CFAP52: variants seen among roughly 807,000 people sequenced by gnomAD.
CFAP52 encodes cilia and flagella associated protein 52.
A neutral mutation model predicts 70.5 loss-of-function variants in CFAP52; 57 were observed. The ratio of observed to expected loss-of-function variants is 0.81; its 90% CI spans 0.65 to 1.01. CFAP52 has a LOEUF of 1.01. Ranked by LOEUF, CFAP52 falls within the 50% of genes least tolerant of loss-of-function variation. The pLI is 0.00. For missense variants in CFAP52, 785 were observed against 788.5 expected, an observed-to-expected ratio of 1.00 and a Z score of 0.05; for synonymous variants, 267 against 292.5, an observed-to-expected ratio of 0.91 and a Z score of 0.89.
rs1418790986 is a variant in CFAP52, at chr17:9,585,771, A to G, written c.71-2A>G. 1.2e-6 allele frequency: 2 copies of G among 1,614,058 alleles called. No homozygotes were observed. The highest frequency in any genetic ancestry group is 1.7e-5 in the Admixed American group (1 of 59,994). On this transcript the variant is annotated splice_acceptor_variant, in intron 1 of 13. Transcript: ENST00000352665. LOFTEE classifies it high-confidence loss of function. Reference sequence around the variant, plus strand: ...TTATTACTGTGAATCTCTCTCTTTTAGGACATGTGCCCACTGGTCTCAAAT... The same window carrying G: ...TTATTACTGTGAATCTCTCTCTTTTGGGACATGTGCCCACTGGTCTCAAAT...
chr17:9,643,925 T>A (rs906185635), downstream of CFAP52, among the ~76,000 whole-genome samples: 2 of 152,334 alleles, frequency 1.3e-5, no homozygotes, highest in Admixed American at 1.3e-4. Context: ...TGTCCTTGTG[T>A]ATTAATCACC....
intron 12 of CFAP52, among the ~76,000 whole-genome samples, chr17:9,641,249 G>A (rs189287953): frequency 5.3e-5 from 8 of 152,272 alleles, no homozygotes; most frequent in Admixed American, 4.6e-4. Flanking sequence ...GGGAAAGTTG[G>A]GAATAAGGGT....
intron 12 of CFAP52, among the ~76,000 whole-genome samples, chr17:9,640,533 A>G (rs1367331381): frequency 6.6e-6 from 1 of 152,004 alleles, no homozygotes; most frequent in East Asian, 1.9e-4. Context: ...GCTGAGGATA[A>G]TGGCTCCCAA....
At chr17:9,626,648 T>G (rs961319332) in intron 8 of CFAP52, among the ~76,000 whole-genome samples, 8 of 152,240 alleles carry the variant, frequency 5.3e-5, no homozygotes, top group African/African-American at 1.9e-4. Flanking sequence ...AAAGGCATTA[T>G]CTAATATAAA....
At chr17:9,615,836 C>T (rs1169555468) in intron 8 of CFAP52, among the ~76,000 whole-genome samples, 1 of 130,914 alleles carries the variant, frequency 7.6e-6, no homozygotes. Context: ...AACAGGGTCT[C>T]ACTATGTTGC....
intron 9 of CFAP52, among the ~76,000 whole-genome samples, chr17:9,631,945 T>C (rs1910561312): frequency 6.6e-6 from 1 of 151,596 alleles, no homozygotes; most frequent in Non-Finnish European, 1.5e-5. Context: ...ATTTTTGTAA[T>C]TTTTTTTAGT....
rs1555541607 is a variant in CFAP52, at chr17:9,596,059, G to GTGTGTA, written c.536+1739_536+1740insGTGTAT. 1.1e-3 allele frequency among the ~76,000 whole-genome samples: 95 copies of GTGTGTA among 85,202 alleles called. 1 individual carries two copies. The highest frequency in any genetic ancestry group is 6.7e-3 in the Middle Eastern group (1 of 150). The allele number at this position is 85,202 out of a possible 152,430, so 55.9% of individuals were successfully genotyped here. ...TATGTATGTAGATATATATGTGTGT[G>GTGTGTA]TATATATATATATATATATATATAT... is the stretch of plus-strand genomic sequence containing the variant. On this transcript the variant is annotated intron_variant, in intron 4 of 13. Transcript: ENST00000352665.
Position 9,599,987 on chromosome 17 carries a change from C to T in CFAP52, c.637-80C>T, listed in dbSNP as rs545082677. The T allele has an allele frequency of 8.2e-5, 96 of 1,168,960 alleles. 1 individual carries two copies. Among genetic ancestry groups the T allele is most frequent in the South Asian group, 5.3e-4 (42 of 79,304 alleles). The allele number at this position is 1,168,960 out of a possible 1,614,324, so 72.4% of individuals were successfully genotyped here. On this transcript the variant is annotated intron_variant, in intron 5 of 13. Transcript: ENST00000352665. Reference sequence around the variant, plus strand: ...AACTCCTGACCTCAGGTGATCCACCCGCCTCGGCCTCCCAAAGTGCTGATA... The same window carrying T: ...AACTCCTGACCTCAGGTGATCCACCTGCCTCGGCCTCCCAAAGTGCTGATA...
rs1911072853 is a variant in CFAP52 at position 9,641,765 on chromosome 17, A to G, written c.1617A>G (p.Glu539=). Residue 539 remains glutamate, a synonymous_variant, in exon 13 of 14, where the codon GAA becomes GAG. Coordinates refer to ENST00000352665, the MANE Select transcript of CFAP52 (RefSeq NM_145054.5). ...WEVFDGTVIR[E]LEGSLSGSIN... is the part of the protein sequence containing the mutation. Reference sequence around the variant, plus strand: ...TATTTGATGGGACAGTAATCAGAGAATTGGAAGGTTCCCTGTCTGGGTCGA... The same window carrying G: ...TATTTGATGGGACAGTAATCAGAGAGTTGGAAGGTTCCCTGTCTGGGTCGA... The G allele has an allele frequency of 6.2e-7, 1 of 1,613,868 alleles. No homozygotes were observed. The highest frequency in any genetic ancestry group is 8.5e-7 in the Non-Finnish European group (1 of 1,179,904).
At chr17:9,604,058 C>A (rs941003216) in intron 6 of CFAP52, among the ~76,000 whole-genome samples, 12 of 151,894 alleles carry the variant, frequency 7.9e-5, no homozygotes, top group African/African-American at 2.9e-4. Context: ...AAAAAAAGAT[C>A]GTCTTTTTAA....
downstream of CFAP52, chr17:9,645,527 C>G (rs1306001654): frequency 9.5e-7 from 1 of 1,056,152 alleles, no homozygotes; most frequent in Non-Finnish European, 1.2e-6. This position sits in a 1 kb window ranked among gnomAD's most constrained non-coding sequence, Gnocchi z 6.8. Flanking sequence ...ACACCTGGCC[C>G]GCAGGTAGCC....
intron 10 of CFAP52, among the ~76,000 whole-genome samples, chr17:9,634,478 C>G (rs113172662): frequency 0.016 from 2,413 of 152,184 alleles, 77 homozygotes; most frequent in African/African-American, 0.055. Flanking sequence ...AACCCTGTCT[C>G]TACTAAAAAT....
chr17:9,585,906 C>G lies in CFAP52; in HGVS notation c.204C>G (p.Ser68=), dbSNP rs1188829147. Residue 68 remains serine (S), a synonymous_variant, in exon 2 of 14, where the codon TCC becomes TCG. Coordinates refer to ENST00000352665, the MANE Select transcript of CFAP52 (RefSeq NM_145054.5). ...NFLQGHGNNV[S]CLAISRSGEY... ...TACAGGGTCATGGCAACAACGTCTC[C>G]TGCTTGGCCATCTCCAGGTCTGGAG... is the stretch of plus-strand genomic sequence containing the variant. The G allele has an allele frequency of 6.2e-7, 1 of 1,613,804 alleles. No individual in the cohort carries two copies.
At chr17:9,624,246 G>C (rs1432733482) in intron 8 of CFAP52, among the ~76,000 whole-genome samples, 1 of 151,982 alleles carries the variant, frequency 6.6e-6, no homozygotes, top group East Asian at 1.9e-4. Context: ...TTCAGCCCTT[G>C]TTCCTTAAGA....
intron 3 of CFAP52, 115 bp downstream of exon 3, chr17:9,586,949 T>A: frequency 7.9e-7 from 1 of 1,263,848 alleles, no homozygotes; most frequent in Non-Finnish European, 1.1e-6. Context: ...GGGTTTGTTG[T>A]ACAGATTATT....
rs200319536 is a variant in CFAP52, at chr17:9,643,115, C to T, written c.1780C>T (p.Arg594Cys). 2.0e-5 allele frequency: 32 copies of T among 1,613,690 alleles called. No individual in the cohort carries two copies. In the African/African-American group the frequency reaches 2.7e-4, roughly 13 times the overall value. Residue 594 changes from arginine (R) to cysteine (C), a missense_variant, in exon 14 of 14, where the codon CGC (arginine) becomes TGC (cysteine). Coordinates refer to ENST00000352665, the MANE Select transcript of CFAP52 (RefSeq NM_145054.5). ...ACACAGTGGCAACATCACACGCATC[C>T]GCATAAGTCCAGGAAATCAATATAT... Reference protein sequence around the residue: ...VGHSGNITRIRISPGNQYIVS... With the variant: ...VGHSGNITRICISPGNQYIVS...
chr17:9,598,966 T>G (rs73253863), intron 5 of CFAP52, among the ~76,000 whole-genome samples: 19,743 of 152,116 alleles, frequency 0.13, 2,454 homozygotes, highest in East Asian at 0.45. Flanking sequence ...CCACTGATGC[T>G]ATTTCTGCCA....
chr17:9,640,224 C>CTTTT (rs113556452), intron 12 of CFAP52, among the ~76,000 whole-genome samples: 2 of 125,610 alleles, frequency 1.6e-5, no homozygotes, highest in Non-Finnish European at 3.4e-5. Context: ...GTCAAGCACT[C>CTTTT]TTTTTTTTTT....
intron 9 of CFAP52, among the ~76,000 whole-genome samples, chr17:9,631,177 C>T (rs958278655): frequency 6.6e-6 from 1 of 151,668 alleles, no homozygotes; most frequent in Admixed American, 6.6e-5. Context: ...TGACAAAGAT[C>T]CCCCCATCAC....
Sources: allele counts gnomAD v4.1 joint callset (sites outside exome capture counted in the v4.1 genomes callset), GRCh38; gene constraint gnomAD v4.1.1; non-coding constraint Gnocchi (gnomAD v3.1); transcripts MANE v1.5; gene names NCBI Gene and HGNC (gene_info 2026-07-23, HGNC 2026-07-21).